Variants in DIP2A observed in about 807,000 individuals in gnomAD.
The protein encoded by DIP2A is disco-interacting protein 2 homolog A.
In DIP2A, 85 loss-of-function variants were observed where a neutral mutation model predicts 177.4. That is an observed-to-expected ratio of 0.48 (90% CI 0.40 to 0.57). DIP2A has a LOEUF of 0.57. Among genes scored for constraint, DIP2A ranks in the 20% least tolerant of loss-of-function variants. The pLI is 0.00. For synonymous variants in DIP2A, 886 were observed against 881.8 expected, an observed-to-expected ratio of 1.00 and a Z score of -0.08; for missense variants, 1,791 against 2,100.2, an observed-to-expected ratio of 0.85 and a Z score of 2.88.
chr21:46,515,201 C>G (rs2058515721), intron 8 of DIP2A, among the ~76,000 whole-genome samples: 1 of 152,228 alleles, frequency 6.6e-6, no homozygotes, highest in African/African-American at 2.4e-5. Flanking sequence ...ATTGGCAGAG[C>G]AGTCCCTGGC....
chr21:46,528,549 T>TTTTTTTTTTTTTTTTTTTA (rs2059214445), intron 8 of DIP2A, among the ~76,000 whole-genome samples: 1 of 124,840 alleles, frequency 8.0e-6, no homozygotes, highest in African/African-American at 3.1e-5. Context: ...TTTTTTTTTT[T>TTTTTTTTTTTTTTTTTTTA]TTTTTTTTTT....
At position 46,514,373 on chromosome 21, in the gene DIP2A, T is replaced by C. The variant is rs182579427; in HGVS notation, c.1102+2759T>C. Among the ~76,000 whole-genome samples the C allele has an allele frequency of 6.6e-3, 1,003 of 151,728 alleles. 13 individuals carry two copies. Among genetic ancestry groups the C allele is most frequent in the African/African-American group, 0.023 (953 of 41,402 alleles). ...ACGGCATGAACCCAGGAGGCGGAGC[T>C]TGCAGTGAGCTGAGATCGCACCACT... On this transcript the variant is annotated intron_variant, in intron 8 of 37. Transcript: ENST00000417564.
chr21:46,505,533 C>T (rs1194891636), intron 6 of DIP2A, among the ~76,000 whole-genome samples: 1 of 152,114 alleles, frequency 6.6e-6, no homozygotes, highest in Non-Finnish European at 1.5e-5. Context: ...CGCTTGAACC[C>T]GAGAGGCGGA....
intron 33 of DIP2A, chr21:46,561,530 T>G (rs948474081): frequency 1.2e-5 from 8 of 651,882 alleles, no homozygotes; most frequent in Admixed American, 4.4e-5. Context: ...TGTGAGCACA[T>G]GGGGTGGGTG....
downstream of DIP2A, among the ~76,000 whole-genome samples, chr21:46,571,655 G>C (rs925931914): frequency 6.6e-6 from 1 of 152,106 alleles, no homozygotes; most frequent in Non-Finnish European, 1.5e-5. Context: ...CATTATCTTA[G>C]TAGCAATTGT....
chr21:46,469,641 G>A (rs2055176247), intron 1 of DIP2A, among the ~76,000 whole-genome samples: 1 of 152,206 alleles, frequency 6.6e-6, no homozygotes, highest in Non-Finnish European at 1.5e-5. Flanking sequence ...CCTATAGCAG[G>A]AATACCAAGG....
At chr21:46,507,054 T>C (rs2058051379) in intron 6 of DIP2A, among the ~76,000 whole-genome samples, 1 of 152,060 alleles carries the variant, frequency 6.6e-6, no homozygotes, top group African/African-American at 2.4e-5. Context: ...GATTACAGTG[T>C]GAGCCACTGT....
chr21:46,541,323 GCT>G (rs1157702623), intron 17 of DIP2A, among the ~76,000 whole-genome samples: 1 of 152,186 alleles, frequency 6.6e-6, no homozygotes, highest in African/African-American at 2.4e-5. Flanking sequence ...GCGGTGAGGG[GCT>G]GAGACAGCTT....
At position 46,514,061 on chromosome 21, in the gene DIP2A, C is replaced by A. The variant is rs78622861; in HGVS notation, c.1102+2447C>A. ...CCTTTTATTAGATTTATTCCTGTTA[C>A]AAGTGCTGTAATTTGTAATTTTCTC... is the stretch of plus-strand genomic sequence containing the variant. On this transcript the variant is annotated intron_variant, in intron 8 of 37. Coordinates refer to ENST00000417564, the MANE Select transcript of DIP2A (RefSeq NM_015151.4). 2.0e-5 allele frequency among the ~76,000 whole-genome samples: 3 copies of A among 152,094 alleles called. No individual in the cohort carries two copies. In the East Asian group the frequency reaches 5.8e-4, roughly 29 times the overall value.
At chr21:46,513,749 A>T (rs1196070058) in intron 8 of DIP2A, among the ~76,000 whole-genome samples, 1 of 152,152 alleles carries the variant, frequency 6.6e-6, no homozygotes, top group Non-Finnish European at 1.5e-5. Context: ...AGCTGACATG[A>T]TGCTCAAAGA....
intron 1 of DIP2A, among the ~76,000 whole-genome samples, chr21:46,466,321 G>A (rs1330421163): frequency 3.5e-5 from 5 of 144,562 alleles, no homozygotes; most frequent in Non-Finnish European, 6.1e-5. Flanking sequence ...ACTGATAAGA[G>A]TTATAGATTC....
intron 8 of DIP2A, among the ~76,000 whole-genome samples, chr21:46,513,445 C>CG (rs907861475): frequency 1.2e-4 from 18 of 151,980 alleles, no homozygotes; most frequent in East Asian, 1.9e-4. Context: ...CTCCTGTTGG[C>CG]GGGGGGTGTT....
chr21:46,461,979 C>G (rs1046336879), intron 1 of DIP2A, among the ~76,000 whole-genome samples: 2 of 152,034 alleles, frequency 1.3e-5, no homozygotes, highest in African/African-American at 4.8e-5. Context: ...GGAGGATCAC[C>G]TGACGAGGTT....
At chr21:46,564,042 C>T in intron 35 of DIP2A, 110 bp downstream of exon 35, 4 of 1,290,468 alleles carry the variant, frequency 3.1e-6, no homozygotes, top group Admixed American at 2.3e-5. Flanking sequence ...TGGGAATCTA[C>T]CAGAAACCAT....
intron 1 of DIP2A, among the ~76,000 whole-genome samples, chr21:46,472,090 T>C (rs991609277): frequency 6.6e-6 from 1 of 152,164 alleles, no homozygotes; most frequent in Non-Finnish European, 1.5e-5. Flanking sequence ...TAAGGAGATA[T>C]TTAAGATCAA....
At chr21:46,484,713 GA>G in intron 1 of DIP2A, 43 bp from the exon 2 acceptor site, 1 of 1,497,038 alleles carries the variant, frequency 6.7e-7, no homozygotes. Context: ...TAAAATTTTG[GA>G]ATTGTAGAAG....
the DIP2A span, among the ~76,000 whole-genome samples, chr21:46,575,243 G>GA: frequency 1.3e-5 from 2 of 151,744 alleles, no homozygotes; most frequent in Admixed American, 6.6e-5. Context: ...AATGATTAAA[G>GA]AAAAAAACAA....
Position 46,557,232 on chromosome 21 carries a change from T to G in DIP2A, c.3629+163T>G, listed in dbSNP as rs1014819689. 1 of 758,126 alleles carries G rather than the reference T, an allele frequency of 1.3e-6. No individual in the cohort carries two copies. Among genetic ancestry groups the G allele is most frequent in the African/African-American group, 1.8e-5 (1 of 56,860 alleles). 47.0% of individuals were successfully genotyped at this position (758,126 alleles called of 1,614,324 possible). ...GTGGGTTGGAGTCTGAGTCTGAAAT[T>G]GAGTGAAAATACATTTTTCATTAAA... is the stretch of plus-strand genomic sequence containing the variant. On this transcript the variant is annotated intron_variant, in intron 30 of 37. Transcript: ENST00000417564. The surrounding 1 kb of genome is among the most constrained non-coding windows in gnomAD (Gnocchi z 6.0).
chr21:46,576,914 G>A, the DIP2A span, among the ~76,000 whole-genome samples: 1 of 152,012 alleles, frequency 6.6e-6, no homozygotes, highest in African/African-American at 2.4e-5. Flanking sequence ...TTTGTTGGCC[G>A]CATGAATGTC....
Sources: allele counts gnomAD v4.1 joint callset (sites outside exome capture counted in the v4.1 genomes callset), GRCh38; gene constraint gnomAD v4.1.1; non-coding constraint Gnocchi (gnomAD v3.1); transcripts MANE v1.5; gene names NCBI Gene and HGNC (gene_info 2026-07-23, HGNC 2026-07-21).